The following FAIM2 variants were observed in gnomAD, a reference collection of about 807,000 sequenced individuals.
FAIM2 encodes the protein Fas apoptotic inhibitory molecule 2.
A neutral mutation model predicts 47.4 loss-of-function variants in FAIM2; 27 were observed. The ratio of observed to expected loss-of-function variants is 0.57; its 90% CI spans 0.42 to 0.78. The LOEUF (loss-of-function observed/expected upper bound fraction) is 0.78. FAIM2 is among the 30% of genes least tolerant of loss of function. The pLI, the probability that FAIM2 is intolerant of heterozygous loss-of-function variation, is 0.00. For synonymous variants in FAIM2, 156 were observed against 159.3 expected (o/e 0.98, Z 0.16); for missense variants, 311 against 389.4 (o/e 0.80, Z 1.69).
intron 11 of FAIM2, among the ~76,000 whole-genome samples, chr12:49,886,620 G>A (rs1025346204): frequency 3.0e-4 from 46 of 152,072 alleles, no homozygotes; most frequent in African/African-American, 6.5e-4. Flanking sequence ...GAATACAGGC[G>A]CCCGCCACCA....
intron 5 of FAIM2, among the ~76,000 whole-genome samples, chr12:49,893,059 T>C (rs1946911486): frequency 1.3e-5 from 2 of 152,180 alleles, no homozygotes; most frequent in Admixed American, 6.5e-5. Context: ...CTACCACCCT[T>C]TGAGGTCAGG....
At chr12:49,898,440 T>C (rs894681544) in intron 2 of FAIM2, among the ~76,000 whole-genome samples, 59 of 129,882 alleles carry the variant, frequency 4.5e-4, no homozygotes, top group African/African-American at 1.7e-3. Context: ...GGCTCCCTTG[T>C]GGTCAAGGAT....
chr12:49,878,561 T>A (rs111069321), intron 11 of FAIM2, among the ~76,000 whole-genome samples: 1 of 24,532 alleles, frequency 4.1e-5, no homozygotes, highest in Non-Finnish European at 7.4e-5. Context: ...CATGTGTGAG[T>A]GTATATGTTC....
intron 2 of FAIM2, 73 bp from the exon 3 acceptor site, chr12:49,898,163 C>T (rs955815736): frequency 8.7e-7 from 1 of 1,150,704 alleles, no homozygotes. Context: ...CAGCCCCCAA[C>T]TCAAAGCTGC....
intron 11 of FAIM2, among the ~76,000 whole-genome samples, chr12:49,884,737 G>A (rs1354820775): frequency 1.3e-5 from 2 of 152,240 alleles, no homozygotes; most frequent in Non-Finnish European, 2.9e-5. Flanking sequence ...CACTTTGGGA[G>A]GCCAAGGCGG....
rs1946884797 is a variant in FAIM2 at position 49,889,531 on chromosome 12, T to C, written c.601A>G (p.Ile201Val). The C allele has an allele frequency of 6.2e-7, 1 of 1,614,104 alleles. No homozygotes were observed. The highest frequency in any genetic ancestry group is 8.5e-7 in the Non-Finnish European group (1 of 1,180,004). Residue 201 changes from isoleucine to valine, a missense_variant, in exon 9 of 12, where the codon ATC (isoleucine) becomes GTC (valine). Physicochemically the swap from Ile to Val is conservative, Grantham distance 29. Transcript: ENST00000320634. ...NTTSVLLCLG[I>V]TALVCLSVTV... The stretch of plus-strand genomic sequence containing the variant: ...ACTGAGAGGCAGACAAGGGCCGTGA[T>C]GCCCAGGCACAGCAGCACGGAGGTG...
intron 5 of FAIM2, among the ~76,000 whole-genome samples, chr12:49,892,871 C>T (rs978136916): frequency 2.0e-5 from 3 of 152,210 alleles, no homozygotes; most frequent in African/African-American, 7.2e-5. Context: ...CTCCCTGTCT[C>T]CCCTGCTCGG....
At chr12:49,870,804 C>G in intron 11 of FAIM2, 151 bp from the exon 12 acceptor site, 1 of 673,952 alleles carries the variant, frequency 1.5e-6, no homozygotes, top group South Asian at 1.9e-5. Flanking sequence ...GTGACACCTT[C>G]TGTCCCTAAT....
At chr12:49,871,322 T>C (rs908517218) in intron 11 of FAIM2, among the ~76,000 whole-genome samples, 1 of 152,226 alleles carries the variant, frequency 6.6e-6, no homozygotes, top group African/African-American at 2.4e-5. Flanking sequence ...CATTCTGCCC[T>C]GCTGCTAACA....
In FAIM2 at chr12:49,882,695, C is replaced by A. The variant is rs982308989; in HGVS notation, c.801+4691G>T. On this transcript the variant is annotated intron_variant, in intron 11 of 11. Coordinates refer to ENST00000320634, the MANE Select transcript of FAIM2 (RefSeq NM_012306.4). ...GCAGTGCTGAATTCAACCACATAGC[C>A]TGTGCGTCCTCTGCCTTGCTCTGAT... Among the ~76,000 whole-genome samples, 7 of 152,194 alleles carry A rather than the reference C, an allele frequency of 4.6e-5. No homozygotes were observed. The East Asian group carries it at 9.6e-4, about 21-fold the overall frequency.
At chr12:49,870,711 CTA>C in intron 11 of FAIM2, 58 bp from the exon 12 acceptor site, 2 of 1,569,504 alleles carry the variant, frequency 1.3e-6, no homozygotes, top group Non-Finnish European at 1.7e-6. Flanking sequence ...GTGACACTGA[CTA>C]TGGCAGCCCA....
intron 11 of FAIM2, among the ~76,000 whole-genome samples, chr12:49,880,731 T>C (rs1260823385): frequency 6.6e-6 from 1 of 151,966 alleles, no homozygotes; most frequent in Non-Finnish European, 1.5e-5. Context: ...TATATGTGTG[T>C]GTGTATGTGT....
chr12:49,883,273 A>G (rs1210072939), intron 11 of FAIM2, among the ~76,000 whole-genome samples: 1 of 152,170 alleles, frequency 6.6e-6, no homozygotes, highest in Non-Finnish European at 1.5e-5. Context: ...GCAGGAGGCC[A>G]TGGCAACAAT....
rs706795 is a variant in FAIM2 at position 49,903,887 on chromosome 12, T to C, written c.-95A>G. On this transcript the variant is annotated 5_prime_UTR_variant, in exon 1 of 12. Coordinates refer to ENST00000320634, the MANE Select transcript of FAIM2 (RefSeq NM_012306.4). Reference sequence around the variant, plus strand: ...TCTCTTCCTTCCTCCGCGTGGGTTCTAGCAACATCCACTGCAGCCGGGCCA... The same window carrying C: ...TCTCTTCCTTCCTCCGCGTGGGTTCCAGCAACATCCACTGCAGCCGGGCCA... 0.57 allele frequency: 771,110 copies of C among 1,341,232 alleles called. 227,484 individuals carry two copies. Among genetic ancestry groups the C allele is most frequent in the South Asian group, 0.74 (50,317 of 67,966 alleles). 83.1% of individuals were successfully genotyped at this position (1,341,232 alleles called of 1,614,324 possible).
intron 11 of FAIM2, among the ~76,000 whole-genome samples, chr12:49,878,266 GTGTGTCC>G (rs1946756834): frequency 7.3e-6 from 1 of 136,910 alleles, no homozygotes. Context: ...ATGTGCATGT[GTGTGTCC>G]ATGTGTCTAT....
intron 4 of FAIM2, 132 bp from the exon 5 acceptor site, chr12:49,897,216 C>T: frequency 1.3e-6 from 1 of 793,310 alleles, no homozygotes; most frequent in Non-Finnish European, 2.2e-6. Flanking sequence ...CCCCTGGAGG[C>T]TCGGGGAGTC....
intron 9 of FAIM2, 82 bp downstream of exon 9, chr12:49,889,399 G>A (rs1211754836): frequency 5.3e-6 from 7 of 1,331,764 alleles, no homozygotes; most frequent in Admixed American, 3.4e-5. Flanking sequence ...CCCCAGGTCC[G>A]AGCTCTGAGG....
intron 11 of FAIM2, among the ~76,000 whole-genome samples, chr12:49,886,367 C>T (rs1946861160): frequency 6.6e-6 from 1 of 152,224 alleles, no homozygotes; most frequent in South Asian, 2.1e-4. Flanking sequence ...GGACACACAT[C>T]AGACTGTCCA....
In FAIM2 at chr12:49,878,466, ATGTG is replaced by A. The variant is rs879775762; in HGVS notation, c.802-7817_802-7814del. 5.6e-5 allele frequency among the ~76,000 whole-genome samples: 5 copies of A among 88,880 alleles called. 1 individual carries two copies. Among genetic ancestry groups the A allele is most frequent in the South Asian group, 9.6e-4 (2 of 2,094 alleles). The allele number at this position is 88,880 out of a possible 152,430, so 58.3% of individuals were successfully genotyped here. The stretch of plus-strand genomic sequence containing the variant: ...TGTCTGAGTGAATGTGTATGCATGT[ATGTG>A]TGTGTGCATGTGTGTATATGTATGT... On this transcript the variant is annotated intron_variant, in intron 11 of 11. Coordinates refer to ENST00000320634, the MANE Select transcript of FAIM2 (RefSeq NM_012306.4).
Sources: gnomAD v4.1 joint callset for allele counts (sites outside exome capture counted in the v4.1 genomes callset) on GRCh38, gnomAD v4.1.1 for gene constraint, MANE v1.5 for transcripts, NCBI Gene and HGNC (gene_info 2026-07-23, HGNC 2026-07-21) for gene names.